The following SLC39A11 variants were observed in gnomAD, a reference collection of about 807,000 sequenced individuals.
SLC39A11 encodes the protein zinc transporter ZIP11.
In SLC39A11, 33 loss-of-function variants were observed where a neutral mutation model predicts 36.1. The ratio of observed to expected loss-of-function variants is 0.91; its 90% CI spans 0.69 to 1.22. The LOEUF is 1.22. SLC39A11 is among the 50% of genes most tolerant of loss of function. SLC39A11 has a pLI of 0.00. For synonymous variants in SLC39A11, 166 were observed against 170.3 expected (o/e 0.97, Z 0.20); for missense variants, 432 against 430.3 (o/e 1.00, Z -0.03).
rs570587410 is a variant in SLC39A11, at chr17:72,994,911, G to A, written c.306+36645C>T. Among the ~76,000 whole-genome samples the A allele has an allele frequency of 5.3e-4, 81 of 152,284 alleles. 2 individuals are homozygous for A. The South Asian group carries it at 9.7e-3, about 18-fold the overall frequency. Reference sequence around the variant, plus strand: ...TTTGGGCTAATTGAACATATTACCCGACAAAGCATGGTGCTAGTTTCCACC... The same window carrying A: ...TTTGGGCTAATTGAACATATTACCCAACAAAGCATGGTGCTAGTTTCCACC... On this transcript the variant is annotated intron_variant, in intron 4 of 9. Transcript: ENST00000255559.
intron 4 of SLC39A11, among the ~76,000 whole-genome samples, chr17:73,002,381 G>A (rs140908815): frequency 3.1e-3 from 467 of 152,264 alleles, no homozygotes; most frequent in Non-Finnish European, 5.2e-3. Context: ...GATCTCAGTC[G>A]GTGGGATGCC....
chr17:72,837,602 G>GCATT (rs2078619911), intron 6 of SLC39A11, among the ~76,000 whole-genome samples: 1 of 152,136 alleles, frequency 6.6e-6, no homozygotes, highest in Admixed American at 6.5e-5. Context: ...ACACATAGCA[G>GCATT]CATTACTTAC....
At chr17:73,032,142 A>G (rs2058757243) in intron 3 of SLC39A11, among the ~76,000 whole-genome samples, 1 of 151,592 alleles carries the variant, frequency 6.6e-6, no homozygotes, top group Admixed American at 6.6e-5. Flanking sequence ...TGCACAGCAC[A>G]CCCCTGACAA....
intron 7 of SLC39A11, among the ~76,000 whole-genome samples, chr17:72,695,899 G>C (rs2072272852): frequency 6.6e-6 from 1 of 152,192 alleles, no homozygotes; most frequent in Admixed American, 6.5e-5. Context: ...GCTATCTGCT[G>C]GCACCTTGAT....
At chr17:73,057,102 A>T (rs1286900614) in intron 3 of SLC39A11, among the ~76,000 whole-genome samples, 1 of 152,106 alleles carries the variant, frequency 6.6e-6, no homozygotes, top group Non-Finnish European at 1.5e-5. Context: ...AGGCACCTGC[A>T]ACCATGCCCA....
rs140865713 is a variant in SLC39A11 at position 73,067,290 on chromosome 17, T to C, written c.147+17518A>G. On this transcript the variant is annotated intron_variant, in intron 3 of 9. Transcript: ENST00000255559. ...TGAATAAGTTGTGGCCAATGAAATG[T>C]AAGTGGACCTGCTGTGCAGGACTTT... is the stretch of plus-strand genomic sequence containing the variant. 2.3e-3 allele frequency among the ~76,000 whole-genome samples: 348 copies of C among 152,380 alleles called. 3 individuals carry two copies. Among genetic ancestry groups the C allele is most frequent in the East Asian group, 6.8e-3 (35 of 5,182 alleles).
chr17:73,069,785 T>C (rs1264616926), intron 3 of SLC39A11, among the ~76,000 whole-genome samples: 3 of 152,220 alleles, frequency 2.0e-5, no homozygotes, highest in African/African-American at 4.8e-5. Context: ...TGCTTTTTCA[T>C]GTGGTTGGTA....
At chr17:72,736,597 A>G (rs2143985926) in intron 7 of SLC39A11, 53 bp downstream of exon 7, 1 of 1,496,736 alleles carries the variant, frequency 6.7e-7, no homozygotes, top group Non-Finnish European at 9.3e-7. Context: ...ACGCACACCC[A>G]GAGCACCCCT....
At chr17:72,879,971 C>T (rs1011823987) in intron 5 of SLC39A11, among the ~76,000 whole-genome samples, 1 of 152,226 alleles carries the variant, frequency 6.6e-6, no homozygotes, top group Non-Finnish European at 1.5e-5. Flanking sequence ...CATCATTTGT[C>T]CAGACTCCTT....
chr17:72,774,524 T>C (rs372030392), intron 6 of SLC39A11, among the ~76,000 whole-genome samples: 3 of 152,158 alleles, frequency 2.0e-5, no homozygotes, highest in African/African-American at 7.2e-5. Flanking sequence ...TTCACCTCCC[T>C]GGAATAACCT....
chr17:72,936,842 G>A (rs143016098), intron 5 of SLC39A11, among the ~76,000 whole-genome samples: 19 of 152,280 alleles, frequency 1.2e-4, no homozygotes, highest in African/African-American at 4.3e-4. Context: ...GATCCCTCAC[G>A]TGTGCCGTTC....
At chr17:72,849,158 C>T (rs983733980) in intron 6 of SLC39A11, among the ~76,000 whole-genome samples, 1 of 152,162 alleles carries the variant, frequency 6.6e-6, no homozygotes, top group African/African-American at 2.4e-5. Context: ...ATCCTCTTCA[C>T]ATTGAGTCAG....
At chr17:72,839,477 T>A (rs1190115144) in intron 6 of SLC39A11, 1 of 152,238 alleles carries the variant, frequency 6.6e-6, no homozygotes, top group Non-Finnish European at 1.5e-5. Flanking sequence ...ATTGGAGTGA[T>A]GTGGCCACAA....
rs2071288932 is a variant in SLC39A11 at position 72,676,971 on chromosome 17, C to T, written c.672-27703G>A. On this transcript the variant is annotated intron_variant, in intron 7 of 9. Coordinates refer to ENST00000255559, the MANE Select transcript of SLC39A11 (RefSeq NM_139177.4). Reference sequence around the variant, plus strand: ...GTGCTGGTGGTTTCCGGACTTTTCCCTGGGTACCTTTTTTCTTTGCTGCTT... The same window carrying T: ...GTGCTGGTGGTTTCCGGACTTTTCCTTGGGTACCTTTTTTCTTTGCTGCTT... Among the ~76,000 whole-genome samples the T allele has an allele frequency of 2.0e-5, 3 of 152,174 alleles. No homozygotes were observed. The South Asian group carries it at 6.2e-4, about 31-fold the overall frequency.
rs1006324054 is a variant in SLC39A11 at position 72,808,674 on chromosome 17, A to T, written c.601+40960T>A. 5.3e-5 allele frequency among the ~76,000 whole-genome samples: 8 copies of T among 152,314 alleles called. 1 individual carries two copies. In the South Asian group the frequency reaches 1.7e-3, roughly 32 times the overall value. On this transcript the variant is annotated intron_variant, in intron 6 of 9. Coordinates refer to ENST00000255559, the MANE Select transcript of SLC39A11 (RefSeq NM_139177.4). ...CAATTGCTCCTATAGATAACACTAT[A>T]CATCACTATTGTAGAACCTAAGATT...
At chr17:73,042,252 T>C (rs1394223373) in intron 3 of SLC39A11, among the ~76,000 whole-genome samples, 1 of 152,056 alleles carries the variant, frequency 6.6e-6, no homozygotes, top group Non-Finnish European at 1.5e-5. Context: ...TCGTAACAAA[T>C]AGGGGAAAGA....
At chr17:72,915,832 C>A (rs1007952877) in intron 5 of SLC39A11, among the ~76,000 whole-genome samples, 2 of 152,214 alleles carry the variant, frequency 1.3e-5, no homozygotes, top group African/African-American at 2.4e-5. Context: ...TCCCCGAATC[C>A]ATTTTTTCAA....
chr17:73,007,410 A>G (rs577683606), intron 4 of SLC39A11, among the ~76,000 whole-genome samples: 1 of 152,224 alleles, frequency 6.6e-6, no homozygotes, highest in South Asian at 2.1e-4. Context: ...AGCAAGAGTG[A>G]AACTCTGTCT....
At chr17:72,698,094 A>T (rs185542316) in intron 7 of SLC39A11, among the ~76,000 whole-genome samples, 1 of 152,342 alleles carries the variant, frequency 6.6e-6, no homozygotes, top group African/African-American at 2.4e-5. Context: ...TCCTGATAAG[A>T]TAAACACAGA....
Sources: gnomAD v4.1 joint callset for allele counts (sites outside exome capture counted in the v4.1 genomes callset) on GRCh38, gnomAD v4.1.1 for gene constraint, MANE v1.5 for transcripts, NCBI Gene and HGNC (gene_info 2026-07-23, HGNC 2026-07-21) for gene names.